The following TOM1L1 variants were observed in gnomAD, a reference collection of about 807,000 sequenced individuals.
TOM1L1 encodes target of myb1 like 1 membrane trafficking protein.
TOM1L1 carries 64 observed loss-of-function variants against 63.4 expected under a neutral mutation model. That is an observed-to-expected ratio of 1.01 (90% CI 0.83 to 1.24). The LOEUF (loss-of-function observed/expected upper bound fraction) is 1.24. Among genes scored for constraint, TOM1L1 ranks in the 50% most tolerant of loss-of-function variants. TOM1L1 has a pLI of 0.00. For missense variants in TOM1L1, 536 were observed against 567.0 expected, an observed-to-expected ratio of 0.95 and a Z score of 0.55; for synonymous variants, 166 against 194.4, an observed-to-expected ratio of 0.85 and a Z score of 1.22.
At chr17:54,902,681 T>G (rs995678145) in intron 1 of TOM1L1, among the ~76,000 whole-genome samples, 1 of 152,212 alleles carries the variant, frequency 6.6e-6, no homozygotes, top group Non-Finnish European at 1.5e-5. Flanking sequence ...ATCTTTTTTG[T>G]TTTTTTCTCC....
intron 9 of TOM1L1, among the ~76,000 whole-genome samples, 158 bp from the exon 10 acceptor site, chr17:54,936,951 G>A (rs2048957456): frequency 6.6e-6 from 1 of 152,168 alleles, no homozygotes; most frequent in African/African-American, 2.4e-5. Context: ...ACCTATGTAG[G>A]TGGTAAGATG....
Position 54,901,084 on chromosome 17 carries a change from C to G in TOM1L1, c.58+161C>G, listed in dbSNP as rs571626119. The stretch of plus-strand genomic sequence containing the variant: ...CAAGGCACCCGCATTCCACCCGGCC[C>G]CCTTTCGTCGTTTCCTTCTTGGCCA... On this transcript the variant is annotated intron_variant, in intron 1 of 15. Transcript: ENST00000575882. 1.2e-5 allele frequency: 11 copies of G among 954,430 alleles called. No homozygotes were observed. In the East Asian group the frequency reaches 2.9e-4, roughly 25 times the overall value. 59.1% of individuals were successfully genotyped at this position (954,430 alleles called of 1,614,324 possible).
intron 6 of TOM1L1, 141 bp downstream of exon 6, chr17:54,914,884 A>G (rs12601712): frequency 0.024 from 16,646 of 702,938 alleles, 387 homozygotes; most frequent in East Asian, 0.1. Context: ...GCTTAGTAAT[A>G]CTATGTGACT....
intron 4 of TOM1L1, 27 bp downstream of exon 4, chr17:54,912,842 T>C: frequency 6.6e-7 from 1 of 1,514,298 alleles, no homozygotes; most frequent in South Asian, 1.4e-5. Flanking sequence ...CCTCATGGGA[T>C]GGTAAATTTC....
intron 3 of TOM1L1, among the ~76,000 whole-genome samples, chr17:54,909,572 G>T (rs922985759): frequency 1.3e-5 from 2 of 152,226 alleles, no homozygotes; most frequent in East Asian, 1.9e-4. Flanking sequence ...CATGGAAGAT[G>T]ATCTAAATAG....
In TOM1L1 at chr17:54,961,595, A is replaced by G. The variant is rs2077126399; in HGVS notation, c.*362A>G. 1 of 1,199,430 alleles carries G rather than the reference A, an allele frequency of 8.3e-7. No individual in the cohort carries two copies. Among genetic ancestry groups the G allele is most frequent in the African/African-American group, 1.6e-5 (1 of 63,438 alleles). The allele number at this position is 1,199,430 out of a possible 1,614,324, so 74.3% of individuals were successfully genotyped here. ...TAAGAGTAGATTATTTTACTATGAA[A>G]TAATTCTGAATAGATGAAAGCATAA... On this transcript the variant is annotated 3_prime_UTR_variant, in exon 16 of 16. Transcript: ENST00000575882.
chr17:54,936,058 GGTT>G (rs2048940640), intron 8 of TOM1L1, among the ~76,000 whole-genome samples: 1 of 152,028 alleles, frequency 6.6e-6, no homozygotes, highest in African/African-American at 2.4e-5. Flanking sequence ...GGGAGGCAGA[GGTT>G]GTGGTGAGCC....
chr17:54,927,646 G>C (rs958102574), intron 7 of TOM1L1, among the ~76,000 whole-genome samples: 1 of 152,184 alleles, frequency 6.6e-6, no homozygotes, highest in Non-Finnish European at 1.5e-5. Flanking sequence ...AGCAGCTGTT[G>C]TTCTGTATTT....
intron 8 of TOM1L1, among the ~76,000 whole-genome samples, chr17:54,936,047 C>G (rs535062711): frequency 5.4e-5 from 8 of 148,288 alleles, no homozygotes; most frequent in Admixed American, 4.1e-4. Flanking sequence ...TGCTTGAACC[C>G]GGGAGGCAGA....
chr17:54,936,825 G>A (rs76481432), intron 9 of TOM1L1, 116 bp downstream of exon 9: 19,841 of 912,142 alleles, frequency 0.022, 445 homozygotes, highest in East Asian at 0.11. Context: ...TCATAATTTG[G>A]AGTGGTTTTA....
intron 8 of TOM1L1, among the ~76,000 whole-genome samples, chr17:54,935,408 T>C (rs1833455991): frequency 6.6e-6 from 1 of 152,184 alleles, no homozygotes; most frequent in South Asian, 2.1e-4. Flanking sequence ...TCTGGATGTA[T>C]ACCTGCAGGC....
chr17:54,950,498 C>T (rs1437496807), intron 14 of TOM1L1, among the ~76,000 whole-genome samples: 3 of 152,102 alleles, frequency 2.0e-5, no homozygotes, highest in Non-Finnish European at 4.4e-5. Context: ...TCTTTATGAA[C>T]TGATCCAAAA....
At chr17:54,911,831 A>T (rs929915082) in intron 3 of TOM1L1, among the ~76,000 whole-genome samples, 2 of 152,110 alleles carry the variant, frequency 1.3e-5, no homozygotes, top group African/African-American at 4.8e-5. Flanking sequence ...CCTTTTCCTC[A>T]ATTTCAGGGT....
Position 54,961,517 on chromosome 17 carries a change from A to G in TOM1L1, c.*284A>G. 1.4e-6 allele frequency: 2 copies of G among 1,409,810 alleles called. No homozygotes were observed. Among genetic ancestry groups the G allele is most frequent in the Non-Finnish European group, 1.8e-6 (2 of 1,085,922 alleles). 87.3% of individuals were successfully genotyped at this position (1,409,810 alleles called of 1,614,324 possible). On this transcript the variant is annotated 3_prime_UTR_variant, in exon 16 of 16. Coordinates refer to ENST00000575882, the MANE Select transcript of TOM1L1 (RefSeq NM_005486.3). Reference sequence around the variant, plus strand: ...TCCTTAGGCCAACCAATTTAACTGCAGTGTCATGTTTCACAGGCCTTCCTA... The same window carrying G: ...TCCTTAGGCCAACCAATTTAACTGCGGTGTCATGTTTCACAGGCCTTCCTA...
rs1382125021 is a variant in TOM1L1 at position 54,960,459 on chromosome 17, GA to G, written c.1371-105del. ...ACTTATTTTTACTCATATGTAGCCT[GA>G]ACTCCAAAACCAGCTCAATTTTTAA... On this transcript the variant is annotated intron_variant, in intron 14 of 15. Transcript: ENST00000575882. 3 of 789,638 alleles carry G rather than the reference GA, an allele frequency of 3.8e-6. No homozygotes were observed. In the African/African-American group the frequency reaches 5.1e-5, roughly 13 times the overall value. 48.9% of individuals were successfully genotyped at this position (789,638 alleles called of 1,614,324 possible).
At chr17:54,914,406 A>G (rs934005201) in intron 5 of TOM1L1, among the ~76,000 whole-genome samples, 4 of 151,852 alleles carry the variant, frequency 2.6e-5, no homozygotes, top group African/African-American at 9.7e-5. Context: ...ATTAAATTGT[A>G]AATGATAATC....
chr17:54,956,496 C>A (rs891065378), intron 14 of TOM1L1, among the ~76,000 whole-genome samples: 1 of 152,130 alleles, frequency 6.6e-6, no homozygotes, highest in Non-Finnish European at 1.5e-5. Context: ...TTAGTAGAGA[C>A]AGGGTTTTGC....
chr17:54,941,532 G>T (rs1403446267), intron 11 of TOM1L1, among the ~76,000 whole-genome samples: 3 of 152,146 alleles, frequency 2.0e-5, no homozygotes, highest in Non-Finnish European at 4.4e-5. Context: ...GATTGAAGTC[G>T]CTTGGTAAAT....
chr17:54,917,529 A>G (rs1270307224), intron 7 of TOM1L1: 3 of 152,320 alleles, frequency 2.0e-5, no homozygotes, highest in East Asian at 3.9e-4. Flanking sequence ...TTGGATTTTT[A>G]TAACAGTTCT....
Sources: allele counts gnomAD v4.1 joint callset (sites outside exome capture counted in the v4.1 genomes callset), GRCh38; gene constraint gnomAD v4.1.1; transcripts MANE v1.5; gene names NCBI Gene and HGNC (gene_info 2026-07-23, HGNC 2026-07-21).